DHRSX: variants seen among roughly 807,000 people sequenced by gnomAD.
The protein encoded by DHRSX is dehydrogenase/reductase X-linked.
Under a neutral mutation model 34.0 loss-of-function variants are expected in DHRSX, and 31 were observed. The observed-to-expected ratio is 0.91, with a 90% CI of 0.69 to 1.23. The LOEUF (loss-of-function observed/expected upper bound fraction) is 1.23. DHRSX is among the 50% of genes most tolerant of loss of function. DHRSX has a pLI of 0.00. For synonymous variants in DHRSX, 201 were observed against 183.8 expected, an observed-to-expected ratio of 1.09 and a Z score of -0.76; for missense variants, 414 against 428.1, an observed-to-expected ratio of 0.97 and a Z score of 0.29.
chrX:2,360,395 C>T (rs1158131661), intron 3 of DHRSX, among the ~76,000 whole-genome samples: 1 of 152,066 alleles, frequency 6.6e-6, no homozygotes, highest in Non-Finnish European at 1.5e-5. Context: ...CCAGCCTGAC[C>T]AACATGGTGA....
At chrX:2,339,510 C>G (rs190926596) in intron 3 of DHRSX, among the ~76,000 whole-genome samples, 5 of 152,130 alleles carry the variant, frequency 3.3e-5, no homozygotes, top group African/African-American at 4.8e-5. Context: ...ACATTCCACA[C>G]TATTTGTAGT....
chrX:2,358,468 C>T (rs1480176100), intron 3 of DHRSX, among the ~76,000 whole-genome samples: 6 of 152,032 alleles, frequency 3.9e-5, no homozygotes, highest in African/African-American at 1.4e-4. Flanking sequence ...GAGGCCGAGG[C>T]GGGTGGATCA....
chrX:2,287,534 A>G (rs865947126), intron 4 of DHRSX, among the ~76,000 whole-genome samples: 5 of 151,926 alleles, frequency 3.3e-5, no homozygotes, highest in South Asian at 2.1e-4. Context: ...ACACAGAATA[A>G]TGGCCCCGAA....
intron 3 of DHRSX, among the ~76,000 whole-genome samples, chrX:2,345,565 C>G (rs749352311): frequency 3.3e-5 from 5 of 149,946 alleles, no homozygotes; most frequent in Admixed American, 6.7e-5. Flanking sequence ...AAGAATTGCT[C>G]AAACCTGGGA....
At chrX:2,330,019 A>G (rs973019522) in intron 3 of DHRSX, among the ~76,000 whole-genome samples, 4 of 139,130 alleles carry the variant, frequency 2.9e-5, no homozygotes, top group Non-Finnish European at 4.6e-5. Flanking sequence ...TGCGATTCCA[A>G]AAATTTGGAT....
intron 2 of DHRSX, among the ~76,000 whole-genome samples, chrX:2,410,196 C>T (rs1296968997): frequency 6.6e-5 from 10 of 152,166 alleles, no homozygotes; most frequent in Admixed American, 2.6e-4. Context: ...ATTTTTCCTC[C>T]TTCAGCCTCA....
intron 3 of DHRSX, among the ~76,000 whole-genome samples, chrX:2,344,137 G>A (rs900612770): frequency 4.6e-4 from 70 of 152,266 alleles, no homozygotes; most frequent in Non-Finnish European, 7.9e-4. Context: ...ATGAGAGCGG[G>A]CTCCAGCAAG....
intron 5 of DHRSX, among the ~76,000 whole-genome samples, chrX:2,253,238 C>CGTG (rs2016476495): frequency 1.3e-5 from 2 of 150,806 alleles, no homozygotes; most frequent in South Asian, 2.1e-4. Flanking sequence ...GCCAAGATGG[C>CGTG]GCCACGGCAC....
intron 3 of DHRSX, among the ~76,000 whole-genome samples, chrX:2,408,066 C>A (rs1050897279): frequency 1.3e-5 from 2 of 151,886 alleles, no homozygotes; most frequent in South Asian, 2.1e-4. Flanking sequence ...AGCACCTGGT[C>A]GAAAATCTTA....
At chrX:2,490,444 G>A (rs143939578) in intron 1 of DHRSX, 35 of 1,613,950 alleles carry the variant, frequency 2.2e-5, no homozygotes, top group African/African-American at 1.6e-4. Flanking sequence ...TGGAGAAGGC[G>A]GTGGCGAAGG....
chrX:2,343,022 G>A (rs1024469789), intron 3 of DHRSX, among the ~76,000 whole-genome samples: 21 of 152,148 alleles, frequency 1.4e-4, no homozygotes, highest in Non-Finnish European at 2.6e-4. Context: ...AATCCAGCCC[G>A]AAAACATCAG....
chrX:2,221,271 T>C (rs191395986), intron 6 of DHRSX, 42 bp from the exon 7 acceptor site: 3 of 1,593,168 alleles, frequency 1.9e-6, no homozygotes, highest in South Asian at 1.1e-5. Context: ...GTCAAATTTC[T>C]GAGCAGGAAA....
chrX:2,282,433 GGA>G (rs1398819583), intron 4 of DHRSX, among the ~76,000 whole-genome samples: 2 of 149,368 alleles, frequency 1.3e-5, no homozygotes, highest in East Asian at 2.0e-4. Context: ...GGAAGGCAAA[GGA>G]GAGAGGAGGA....
chrX:2,432,899 T>C (rs2043945302), intron 1 of DHRSX, among the ~76,000 whole-genome samples: 1 of 151,638 alleles, frequency 6.6e-6, no homozygotes, highest in Admixed American at 6.6e-5. Flanking sequence ...GAGGTGGGGG[T>C]ATCGCTTGAG....
At chrX:2,395,653 G>A (rs1167036622) in intron 3 of DHRSX, among the ~76,000 whole-genome samples, 1 of 152,072 alleles carries the variant, frequency 6.6e-6, no homozygotes, top group Non-Finnish European at 1.5e-5. Flanking sequence ...AACCCCCAGG[G>A]GACTTGGAAT....
intron 3 of DHRSX, among the ~76,000 whole-genome samples, chrX:2,310,134 G>C (rs116787309): frequency 0.033 from 5,088 of 152,162 alleles, 254 homozygotes; most frequent in African/African-American, 0.11. Context: ...CCAGAGGACA[G>C]TTCTTCCCGC....
chrX:2,398,389 G>C, intron 3 of DHRSX, among the ~76,000 whole-genome samples: 1 of 152,114 alleles, frequency 6.6e-6, no homozygotes, highest in East Asian at 1.9e-4. Flanking sequence ...AAAATAGCTG[G>C]GTATGGTGGC....
intron 3 of DHRSX, among the ~76,000 whole-genome samples, chrX:2,297,087 T>C (rs2041943741): frequency 6.6e-6 from 1 of 151,830 alleles, no homozygotes; most frequent in African/African-American, 2.4e-5. Flanking sequence ...CTTGGGAATA[T>C]GCAAATGTTT....
chrX:2,402,613 C>G (rs182488073), intron 3 of DHRSX, among the ~76,000 whole-genome samples: 22 of 152,334 alleles, frequency 1.4e-4, no homozygotes, highest in South Asian at 4.1e-4. Context: ...TCAGCATCAT[C>G]TATCAAGGAC....
Sources: gnomAD v4.1 joint callset for allele counts (sites outside exome capture counted in the v4.1 genomes callset) on GRCh38, gnomAD v4.1.1 for gene constraint, MANE v1.5 for transcripts, NCBI Gene and HGNC (gene_info 2026-07-23, HGNC 2026-07-21) for gene names.